The following ADCY8 variants were observed in gnomAD, a reference collection of about 807,000 sequenced individuals.
ADCY8 encodes the protein adenylate cyclase type 8.
In ADCY8, 51 loss-of-function variants were observed where a neutral mutation model predicts 119.7. That is an observed-to-expected ratio of 0.43 (90% CI 0.34 to 0.54). The LOEUF (loss-of-function observed/expected upper bound fraction) is 0.54, where lower values mean the gene tolerates loss of function less well. Ranked by LOEUF, ADCY8 falls within the 20% of genes least tolerant of loss-of-function variation. The pLI is 0.03. For synonymous variants in ADCY8, 665 were observed against 651.0 expected (o/e 1.02, Z -0.33); for missense variants, 1,383 against 1,598.8 (o/e 0.87, Z 2.30).
chr8:130,893,824 G>A (rs1563716931), intron 7 of ADCY8, among the ~76,000 whole-genome samples: 1 of 119,270 alleles, frequency 8.4e-6, no homozygotes, highest in African/African-American at 3.1e-5. Flanking sequence ...GCGTGTGTGT[G>A]TTTGTGGGTG....
chr8:130,953,253 T>G (rs1481426240), intron 2 of ADCY8, among the ~76,000 whole-genome samples: 7 of 152,184 alleles, frequency 4.6e-5, no homozygotes, highest in African/African-American at 1.4e-4. Context: ...TATAGAGAGA[T>G]AAAATTTTTC....
intron 11 of ADCY8, among the ~76,000 whole-genome samples, chr8:130,842,187 A>G (rs1290087587): frequency 2.0e-5 from 3 of 152,180 alleles, no homozygotes; most frequent in Non-Finnish European, 2.9e-5. Context: ...ACTATGCAAT[A>G]TGTTCCCCCC....
chr8:130,856,428 C>G (rs371242364), intron 9 of ADCY8, among the ~76,000 whole-genome samples: 1 of 152,090 alleles, frequency 6.6e-6, no homozygotes, highest in African/African-American at 2.4e-5. Context: ...GCAACAGACA[C>G]GGCCGGGCCC....
At chr8:130,940,047 G>T (rs892967396) in intron 4 of ADCY8, among the ~76,000 whole-genome samples, 15 of 152,154 alleles carry the variant, frequency 9.9e-5, no homozygotes, top group African/African-American at 3.6e-4. Context: ...AATCTAAGTG[G>T]GGACAGGAGC....
At chr8:130,994,263 ACATCATCT>A (rs1348485955) in intron 1 of ADCY8, among the ~76,000 whole-genome samples, 1 of 152,224 alleles carries the variant, frequency 6.6e-6, no homozygotes, top group Non-Finnish European at 1.5e-5. Context: ...TACATCTTCA[ACATCATCT>A]CATCCTTTCT....
At chr8:130,907,454 C>T (rs1316558826) in intron 6 of ADCY8, among the ~76,000 whole-genome samples, 5 of 152,198 alleles carry the variant, frequency 3.3e-5, no homozygotes, top group Non-Finnish European at 7.3e-5. Context: ...CATGCCATGG[C>T]TAAGCAGAGA....
chr8:130,940,209 A>G (rs11782721), intron 4 of ADCY8, among the ~76,000 whole-genome samples: 3,772 of 152,334 alleles, frequency 0.025, 84 homozygotes, highest in South Asian at 0.08. Context: ...TAAGAGGCAG[A>G]AGAAGAATTC....
chr8:130,893,139 T>A (rs1426040648), intron 7 of ADCY8, among the ~76,000 whole-genome samples: 1 of 152,202 alleles, frequency 6.6e-6, no homozygotes, highest in Non-Finnish European at 1.5e-5. Context: ...AAACAGAACT[T>A]GGCACACTCA....
intron 1 of ADCY8, among the ~76,000 whole-genome samples, chr8:131,011,834 GC>G (rs1185882037): frequency 6.6e-6 from 1 of 152,130 alleles, no homozygotes; most frequent in Non-Finnish European, 1.5e-5. Context: ...GAATGCAGGA[GC>G]ACCCTGGTGA....
chr8:130,956,882 C>T (rs529877692), intron 2 of ADCY8, among the ~76,000 whole-genome samples: 15 of 152,304 alleles, frequency 9.8e-5, no homozygotes, highest in South Asian at 6.2e-4. Flanking sequence ...TGCTTTCTGC[C>T]ATGATTGTGA....
At chr8:130,819,676 G>A (rs1005899719) in intron 13 of ADCY8, among the ~76,000 whole-genome samples, 4 of 152,146 alleles carry the variant, frequency 2.6e-5, no homozygotes, top group African/African-American at 9.7e-5. Flanking sequence ...GTTCTCAAAT[G>A]GATTGTCATT....
At chr8:131,007,125 T>G (rs576983721) in intron 1 of ADCY8, among the ~76,000 whole-genome samples, 2 of 152,244 alleles carry the variant, frequency 1.3e-5, no homozygotes, top group Non-Finnish European at 2.9e-5. Context: ...TTATCTTTAT[T>G]AAATTCATTG....
intron 13 of ADCY8, among the ~76,000 whole-genome samples, chr8:130,819,949 A>G (rs1189063358): frequency 6.6e-6 from 1 of 152,194 alleles, no homozygotes; most frequent in Non-Finnish European, 1.5e-5. Context: ...AGCCCAGTGA[A>G]GTAGAAAGGG....
chr8:130,781,251 T>G (rs1359940381), intron 17 of ADCY8, among the ~76,000 whole-genome samples: 1 of 152,294 alleles, frequency 6.6e-6, no homozygotes, highest in South Asian at 2.1e-4. Flanking sequence ...GTCAGGACCC[T>G]AGGATCTCCT....
At chr8:130,942,978 A>G in intron 4 of ADCY8, among the ~76,000 whole-genome samples, 1 of 152,176 alleles carries the variant, frequency 6.6e-6, no homozygotes, top group East Asian at 1.9e-4. Flanking sequence ...CCAGATGGCC[A>G]GGGTTGGCTG....
At chr8:130,892,908 G>C (rs1819238919) in intron 7 of ADCY8, 1 of 152,060 alleles carries the variant, frequency 6.6e-6, no homozygotes, top group South Asian at 2.1e-4. Context: ...GGGTCAAGTG[G>C]GGTCTGACAA....
chr8:130,828,943 C>G (rs1361189423), intron 12 of ADCY8, among the ~76,000 whole-genome samples: 2 of 152,130 alleles, frequency 1.3e-5, no homozygotes, highest in Non-Finnish European at 2.9e-5. Flanking sequence ...GGAAGTGTAA[C>G]AGTTGCCCAA....
At chr8:130,980,926 T>C (rs1187605276) in intron 2 of ADCY8, among the ~76,000 whole-genome samples, 2 of 152,216 alleles carry the variant, frequency 1.3e-5, no homozygotes, top group African/African-American at 4.8e-5. Flanking sequence ...TGTGAAAGGC[T>C]GTCAACAGTA....
At chr8:130,869,557 G>A (rs5026644) in intron 8 of ADCY8, among the ~76,000 whole-genome samples, 21,400 of 140,288 alleles carry the variant, frequency 0.15, 3,184 homozygotes, top group African/African-American at 0.4. Flanking sequence ...TCGCTCTGTC[G>A]CCCAGGCTGG....
Sources: allele counts gnomAD v4.1 joint callset (sites outside exome capture counted in the v4.1 genomes callset), GRCh38; gene constraint gnomAD v4.1.1; transcripts MANE v1.5; gene names NCBI Gene and HGNC (gene_info 2026-07-23, HGNC 2026-07-21).